The following TRMT11 variants were observed in gnomAD, a reference collection of about 807,000 sequenced individuals.
The protein encoded by TRMT11 is tRNA (guanine(10)-N(2))-methyltransferase TRMT11.
A neutral mutation model predicts 62.8 loss-of-function variants in TRMT11; 53 were observed. The observed-to-expected ratio is 0.84, with a 90% confidence interval of 0.68 to 1.06. TRMT11 has a LOEUF of 1.06. Ranked by LOEUF, TRMT11 falls within the 50% of genes least tolerant of loss-of-function variation. The probability of loss-of-function intolerance (pLI) is 0.00; values close to 1 mark genes in which losing one functional copy is unlikely to be tolerated. For missense variants in TRMT11, 556 were observed against 553.4 expected (o/e 1.00, Z -0.05); for synonymous variants, 188 against 190.3 (o/e 0.99, Z 0.10).
At chr6:126,221,662 C>A in the TRMT11 span, among the ~76,000 whole-genome samples, 1 of 152,084 alleles carries the variant, frequency 6.6e-6, no homozygotes, top group African/African-American at 2.4e-5. Flanking sequence ...TTGTTGGATG[C>A]ATAGTTTGCA....
At chr6:126,266,194 C>T in the TRMT11 span, among the ~76,000 whole-genome samples, 1 of 152,134 alleles carries the variant, frequency 6.6e-6, no homozygotes, top group Non-Finnish European at 1.5e-5. Flanking sequence ...TGCCTGATGT[C>T]TAGTGCGTGT....
chr6:126,071,926 G>A (rs1325604657), intron 17 of TRMT11, among the ~76,000 whole-genome samples: 1 of 152,080 alleles, frequency 6.6e-6, no homozygotes, highest in Non-Finnish European at 1.5e-5. Context: ...AGTAGGTCTT[G>A]GATGGAGCCA....
At chr6:126,143,338 T>C (rs1777940569) in intron 21 of TRMT11, among the ~76,000 whole-genome samples, 1 of 152,070 alleles carries the variant, frequency 6.6e-6, no homozygotes. Flanking sequence ...TATTGGGAGT[T>C]TTATTTTGAA....
At chr6:126,086,252 A>G (rs1423111187) in intron 17 of TRMT11, among the ~76,000 whole-genome samples, 1 of 152,204 alleles carries the variant, frequency 6.6e-6, no homozygotes. Flanking sequence ...TTAAACATCC[A>G]TTATTACCTA....
the TRMT11 span, among the ~76,000 whole-genome samples, chr6:126,262,776 A>C: frequency 1.3e-4 from 20 of 152,324 alleles, no homozygotes; most frequent in East Asian, 7.7e-4. Flanking sequence ...CCTGACTGCA[A>C]ACCAGTCCTG....
At chr6:126,107,447 C>T (rs879854258) in intron 17 of TRMT11, among the ~76,000 whole-genome samples, 9 of 152,078 alleles carry the variant, frequency 5.9e-5, no homozygotes, top group Non-Finnish European at 1.2e-4. Context: ...AACTATTTAC[C>T]CCTTAAATAT....
At chr6:126,249,320 G>T in the TRMT11 span, among the ~76,000 whole-genome samples, 1 of 151,980 alleles carries the variant, frequency 6.6e-6, no homozygotes, top group Non-Finnish European at 1.5e-5. Context: ...GGATTATGCT[G>T]CCCCCACCCC....
At chr6:126,138,116 A>G (rs372073410) in intron 21 of TRMT11, among the ~76,000 whole-genome samples, 1 of 151,932 alleles carries the variant, frequency 6.6e-6, no homozygotes, top group Non-Finnish European at 1.5e-5. Flanking sequence ...AAGAATTATA[A>G]TGTTCCCATC....
rs542637184 is a variant in TRMT11 at position 126,192,646 on chromosome 6, T to C, written n.144-6153T>C. ...TATCCAATTTGTCAAAAGTTTTTAT[T>C]GTAAAGGGATGTTGAGTTTTATCAA... is the stretch of plus-strand genomic sequence containing the variant. On this transcript the variant is annotated intron_variant and non_coding_transcript_variant, in intron 1 of 3. Transcript: ENST00000444229. 3.3e-5 allele frequency among the ~76,000 whole-genome samples: 5 copies of C among 152,260 alleles called. No homozygotes were observed. In the East Asian group the frequency reaches 9.6e-4, roughly 29 times the overall value.
At chr6:126,242,980 C>G in the TRMT11 span, among the ~76,000 whole-genome samples, 1 of 152,094 alleles carries the variant, frequency 6.6e-6, no homozygotes, top group African/African-American at 2.4e-5. Context: ...AAGAAACTAC[C>G]ATCAGAGTGA....
intron 17 of TRMT11, among the ~76,000 whole-genome samples, chr6:126,071,797 C>T (rs1776866837): frequency 6.6e-6 from 1 of 152,010 alleles, no homozygotes; most frequent in East Asian, 1.9e-4. Context: ...TAAATCTCAG[C>T]TAAAATCTCC....
the TRMT11 span, among the ~76,000 whole-genome samples, chr6:126,242,709 T>G: frequency 2.6e-5 from 4 of 152,096 alleles, no homozygotes; most frequent in South Asian, 2.1e-4. Flanking sequence ...AATAAATGGT[T>G]CTGGGAAAAC....
At chr6:126,033,317 A>G (rs1025695964) in intron 12 of TRMT11, among the ~76,000 whole-genome samples, 1 of 152,170 alleles carries the variant, frequency 6.6e-6, no homozygotes, top group African/African-American at 2.4e-5. Flanking sequence ...AAATGTGACT[A>G]CAGAACATAC....
chr6:126,088,011 A>G (rs1777233690), intron 17 of TRMT11, among the ~76,000 whole-genome samples: 1 of 152,102 alleles, frequency 6.6e-6, no homozygotes, highest in African/African-American at 2.4e-5. Context: ...CTCTAATTAG[A>G]TTATTCCCTC....
At chr6:126,267,855 G>A in the TRMT11 span, among the ~76,000 whole-genome samples, 2 of 152,018 alleles carry the variant, frequency 1.3e-5, no homozygotes, top group Non-Finnish European at 2.9e-5. Flanking sequence ...GGTGATTAAG[G>A]GTTTCCTGAC....
the TRMT11 span, among the ~76,000 whole-genome samples, chr6:126,211,844 C>T: frequency 6.6e-6 from 1 of 151,914 alleles, no homozygotes; most frequent in Non-Finnish European, 1.5e-5. Flanking sequence ...TACAGTTTCC[C>T]TGTTGTGCTG....
intron 21 of TRMT11, among the ~76,000 whole-genome samples, chr6:126,171,347 TTGTA>T (rs1374606483): frequency 6.6e-6 from 1 of 151,946 alleles, no homozygotes; most frequent in Non-Finnish European, 1.5e-5. Flanking sequence ...TAGATAGACA[TTGTA>T]TCCTAAGAGT....
At chr6:126,155,247 A>G (rs183153768) in intron 21 of TRMT11, among the ~76,000 whole-genome samples, 2 of 152,250 alleles carry the variant, frequency 1.3e-5, no homozygotes. Flanking sequence ...GGGAGGTGCC[A>G]CACACTTTCA....
chr6:126,036,454 T>C (rs1327791549), intron 12 of TRMT11, among the ~76,000 whole-genome samples: 1 of 151,942 alleles, frequency 6.6e-6, no homozygotes, highest in East Asian at 1.9e-4. Context: ...GAGGCCTAGA[T>C]TAAATGTTGG....
Sources: allele counts gnomAD v4.1 joint callset (sites outside exome capture counted in the v4.1 genomes callset), GRCh38; gene constraint gnomAD v4.1.1; transcripts MANE v1.5; gene names NCBI Gene and HGNC (gene_info 2026-07-23, HGNC 2026-07-21).